The following LAMA3 variants were observed in gnomAD, a reference collection of about 807,000 sequenced individuals.
LAMA3 encodes laminin subunit alpha-3.
LAMA3 carries 281 observed loss-of-function variants against 402.0 expected under a neutral mutation model. The observed-to-expected ratio is 0.70, with a 90% CI of 0.63 to 0.77. The LOEUF (loss-of-function observed/expected upper bound fraction) is 0.77. Ranked by LOEUF, LAMA3 falls within the 30% of genes least tolerant of loss-of-function variation. The pLI, the probability that LAMA3 is intolerant of heterozygous loss-of-function variation, is 0.00. For synonymous variants in LAMA3, 1,431 were observed against 1,558.4 expected (o/e 0.92, Z 1.93); for missense variants, 3,840 against 4,215.5 (o/e 0.91, Z 2.47).
chr18:23,853,670 G>A (rs774879288), intron 32 of LAMA3, among the ~76,000 whole-genome samples: 3 of 152,120 alleles, frequency 2.0e-5, no homozygotes, highest in East Asian at 1.9e-4. Flanking sequence ...GTTACAAAAC[G>A]TTTGGCCAGG....
At chr18:23,861,541 C>A in intron 34 of LAMA3, 105 bp from the exon 35 acceptor site, 2 of 1,312,660 alleles carry the variant, frequency 1.5e-6, no homozygotes, top group Non-Finnish European at 2.2e-6. Context: ...GCCTCTGAGG[C>A]AAGGAGGCTG....
chr18:23,899,844 G>T (rs550340570), intron 47 of LAMA3: 4 of 179,260 alleles, frequency 2.2e-5, no homozygotes, highest in African/African-American at 9.6e-5. Context: ...ACTACAGATT[G>T]AGTTTCCCTT....
intron 33 of LAMA3, 120 bp downstream of exon 33, chr18:23,858,108 G>A (rs1380359202): frequency 3.4e-6 from 4 of 1,170,262 alleles, no homozygotes; most frequent in Non-Finnish European, 5.0e-6. Flanking sequence ...TGTTGATAGT[G>A]TATGTAGCAT....
At chr18:23,735,814 C>G (rs1340728715) in intron 2 of LAMA3, among the ~76,000 whole-genome samples, 2 of 152,112 alleles carry the variant, frequency 1.3e-5, no homozygotes, top group African/African-American at 4.8e-5. Flanking sequence ...ACAGCTCTGC[C>G]TCATCCCTTG....
intron 15 of LAMA3, among the ~76,000 whole-genome samples, chr18:23,814,720 T>A (rs1414300600): frequency 6.6e-6 from 1 of 152,232 alleles, no homozygotes; most frequent in Non-Finnish European, 1.5e-5. Context: ...TGTATTTTGT[T>A]GTTTGAGAAG....
intron 19 of LAMA3, among the ~76,000 whole-genome samples, chr18:23,821,105 TACCTTCTCAC>T (rs2063277316): frequency 6.6e-6 from 1 of 152,254 alleles, no homozygotes; most frequent in Non-Finnish European, 1.5e-5. Flanking sequence ...TCAAAGGGTA[TACCTTCTCAC>T]AGGTGCTTAC....
chr18:23,770,685 C>T (rs1598755821), intron 8 of LAMA3, among the ~76,000 whole-genome samples: 2 of 152,048 alleles, frequency 1.3e-5, no homozygotes, highest in African/African-American at 2.4e-5. Flanking sequence ...GGCGTGAACC[C>T]GGGAGGCAGA....
At chr18:23,833,009 T>C (rs1196678951) in intron 23 of LAMA3, among the ~76,000 whole-genome samples, 2 of 152,210 alleles carry the variant, frequency 1.3e-5, no homozygotes, top group African/African-American at 4.8e-5. Flanking sequence ...TTGTTATCTG[T>C]ATTTTACTAA....
At chr18:23,929,175 T>TGCA (rs1026596067) in intron 64 of LAMA3, among the ~76,000 whole-genome samples, 3 of 152,122 alleles carry the variant, frequency 2.0e-5, no homozygotes, top group African/African-American at 7.2e-5. Context: ...ATTGCCTTTT[T>TGCA]GCAGCAGCAG....
chr18:23,876,374 A>T lies in LAMA3; in HGVS notation c.5079A>T (p.Ser1693=), dbSNP rs1354106612. 1.9e-6 allele frequency: 3 copies of T among 1,613,706 alleles called. No individual in the cohort carries two copies. The highest frequency in any genetic ancestry group is 2.5e-6 in the Non-Finnish European group (3 of 1,179,552). Residue 1693 remains serine (S), a synonymous_variant, in exon 39 of 75, where the codon TCA becomes TCT. Transcript: ENST00000313654. ...TTCCCTGCAATTGCAACGGACATTCAAATCAATGCCAGGATGGCTCAGGCA... is the reference window on the plus strand; with the variant it reads ...TTCCCTGCAATTGCAACGGACATTCTAATCAATGCCAGGATGGCTCAGGCA... ...RCVPCNCNGH[S]NQCQDGSGIC...
chr18:23,953,345 T>G (rs1350830098), intron 74 of LAMA3, among the ~76,000 whole-genome samples: 2 of 146,812 alleles, frequency 1.4e-5, no homozygotes, highest in African/African-American at 2.6e-5. Flanking sequence ...TTTGTTTTTT[T>G]TTTTGTTTTT....
rs2081290193 is a variant in LAMA3, at chr18:23,907,582, A to C, written c.6751A>C (p.Thr2251Pro). The change falls in exon 53 of 75, where the codon ACC becomes CCC. Residue 2251 changes from threonine (T) to proline (P), a missense_variant. Physicochemically the swap from Thr to Pro is conservative, Grantham distance 38. Transcript: ENST00000313654. The part of the protein sequence containing the change: ...VSPALNNLQQ[T>P]LNIVTVQKEV... ...TCCAGCTCTCAACAACCTACAGCAA[A>C]CCCTGAATATTGTGACAGTTCAGAA... 3 of 1,613,952 alleles carry C rather than the reference A, an allele frequency of 1.9e-6. No individual in the cohort carries two copies. Among genetic ancestry groups the C allele is most frequent in the Non-Finnish European group, 2.5e-6 (3 of 1,179,882 alleles).
intron 1 of LAMA3, among the ~76,000 whole-genome samples, chr18:23,712,365 G>A (rs1471380431): frequency 1.6e-5 from 2 of 126,630 alleles, no homozygotes; most frequent in African/African-American, 5.8e-5. Flanking sequence ...GGCAACAAGA[G>A]TAAAACTCCG....
chr18:23,931,969 T>C (rs1306474511), intron 65 of LAMA3, among the ~76,000 whole-genome samples, 191 bp from the exon 66 acceptor site: 1 of 151,808 alleles, frequency 6.6e-6, no homozygotes, highest in Non-Finnish European at 1.5e-5. Context: ...ACACCCATTT[T>C]AATAAAAATG....
At chr18:23,781,239 C>T (rs1322009943) in intron 11 of LAMA3, 1 of 447,372 alleles carries the variant, frequency 2.2e-6, no homozygotes, top group South Asian at 1.6e-5. Context: ...GACATTCGTT[C>T]TCAGCCTACA....
At chr18:23,812,199 G>A (rs531048516) in intron 13 of LAMA3, among the ~76,000 whole-genome samples, 96 of 152,264 alleles carry the variant, frequency 6.3e-4, no homozygotes, top group African/African-American at 1.7e-3. Flanking sequence ...TAAAATAACC[G>A]GGCATGGTGG....
intron 67 of LAMA3, among the ~76,000 whole-genome samples, chr18:23,938,836 G>C (rs1036475061): frequency 6.6e-6 from 1 of 151,702 alleles, no homozygotes; most frequent in Non-Finnish European, 1.5e-5. Context: ...GGAGAGAAAG[G>C]GGGGGTATTT....
At chr18:23,900,687 GT>G (rs1311244367) in intron 47 of LAMA3, among the ~76,000 whole-genome samples, 1 of 152,120 alleles carries the variant, frequency 6.6e-6, no homozygotes, top group Admixed American at 6.5e-5. Flanking sequence ...TGTATCAGTG[GT>G]TAATATACAG....
At chr18:23,813,689 G>A (rs1441319997) in intron 14 of LAMA3, among the ~76,000 whole-genome samples, 7 of 150,756 alleles carry the variant, frequency 4.6e-5, no homozygotes, top group Non-Finnish European at 1.0e-4. Context: ...TTACAGGCAC[G>A]CCCCACCACA....
Sources: gnomAD v4.1 joint callset for allele counts (sites outside exome capture counted in the v4.1 genomes callset) on GRCh38, gnomAD v4.1.1 for gene constraint, MANE v1.5 for transcripts, NCBI Gene and HGNC (gene_info 2026-07-23, HGNC 2026-07-21) for gene names.